SLC9A2: variants seen among roughly 807,000 people sequenced by gnomAD.
The protein encoded by SLC9A2 is solute carrier family 9 member A2.
Under a neutral mutation model 71.7 loss-of-function variants are expected in SLC9A2, and 42 were observed. That is an observed-to-expected ratio of 0.59 (90% CI 0.46 to 0.76). SLC9A2 has a LOEUF of 0.76. SLC9A2 is among the 30% of genes least tolerant of loss of function. The pLI, the probability that SLC9A2 is intolerant of heterozygous loss-of-function variation, is 0.00. For missense variants in SLC9A2, 829 were observed against 1,017.4 expected (o/e 0.81, Z 2.52); for synonymous variants, 396 against 392.5 (o/e 1.01, Z -0.10).
rs764415491 is a variant in SLC9A2, at chr2:102,665,114, G to T, written c.768G>T (p.Leu256Phe). 4 of 1,612,640 alleles carry T rather than the reference G, an allele frequency of 2.5e-6. No homozygotes were observed. Among genetic ancestry groups the T allele is most frequent in the East Asian group, 2.2e-5 (1 of 44,844 alleles). The stretch of plus-strand genomic sequence containing the variant: ...TTTTCCTGCAGGTCCTGTACAACTT[G>T]TTCAAGTCGTTTTGCCAGATGAAAA... ...NDAVTVVLYN[L>F]FKSFCQMKTI... Residue 256 changes from leucine to phenylalanine, a missense_variant, in exon 3 of 12, where the codon TTG becomes TTT. Physicochemically the swap from Leu to Phe is conservative, Grantham distance 22. Around this residue, in one of 3 missense-constraint regions of SLC9A2, gnomAD observed 500 missense variants for 726.3 expected, o/e 0.69. Coordinates refer to ENST00000233969, the MANE Select transcript of SLC9A2 (RefSeq NM_003048.6).
chr2:102,648,816 G>A (rs909429919), intron 1 of SLC9A2, among the ~76,000 whole-genome samples: 2 of 152,140 alleles, frequency 1.3e-5, no homozygotes, highest in African/African-American at 4.8e-5. Context: ...ACAGACCACT[G>A]CTCAAGGAAA....
At chr2:102,660,338 A>G (rs998318579) in intron 2 of SLC9A2, among the ~76,000 whole-genome samples, 71 of 152,338 alleles carry the variant, frequency 4.7e-4, no homozygotes, top group African/African-American at 1.3e-3. Context: ...CCTGTCAGTC[A>G]GAACCACTGT....
chr2:102,635,891 T>G (rs1480358972), intron 1 of SLC9A2, among the ~76,000 whole-genome samples: 2 of 150,094 alleles, frequency 1.3e-5, no homozygotes, highest in African/African-American at 4.9e-5. Flanking sequence ...ATTTTTTCTT[T>G]TTTTTTTTTT....
rs542442833 is a variant in SLC9A2 at position 102,680,301 on chromosome 2, A to T, written c.1005-2960A>T. 5.9e-5 allele frequency among the ~76,000 whole-genome samples: 9 copies of T among 152,252 alleles called. No individual in the cohort carries two copies. The East Asian group carries it at 1.5e-3, about 26-fold the overall frequency. On this transcript the variant is annotated intron_variant, in intron 3 of 11. Transcript: ENST00000233969. Reference sequence around the variant, plus strand: ...CTTAATCTAATCTATTGCCCTTGATACTTTGTATTGGAGAAATCTTACTTT... The same window carrying T: ...CTTAATCTAATCTATTGCCCTTGATTCTTTGTATTGGAGAAATCTTACTTT...
At chr2:102,642,848 G>A (rs1676636088) in intron 1 of SLC9A2, among the ~76,000 whole-genome samples, 1 of 152,110 alleles carries the variant, frequency 6.6e-6, no homozygotes. Context: ...TAGTTGTAGG[G>A]CTATTCAGTT....
rs546084160 is a variant in SLC9A2, at chr2:102,694,231, A to G, written c.1426-183A>G. On this transcript the variant is annotated intron_variant, in intron 5 of 11. Transcript: ENST00000233969. The stretch of plus-strand genomic sequence containing the variant: ...AAGAAAGAAAAATTAACAAAAAGTT[A>G]CATTTACTGTGTTAAATCTTGGTAG... Among the ~76,000 whole-genome samples the G allele has an allele frequency of 2.0e-5, 3 of 152,322 alleles. No individual in the cohort carries two copies. In the East Asian group the frequency reaches 5.8e-4, roughly 29 times the overall value.
rs779392210 is a variant in SLC9A2, at chr2:102,701,251, T to C, written c.1748+20T>C. On this transcript the variant is annotated intron_variant, in intron 8 of 11. Coordinates refer to ENST00000233969, the MANE Select transcript of SLC9A2 (RefSeq NM_003048.6). ...TCTAAAGTAAGTATGGTCTTGCAAATAAAAGTTAGTATTGTTAAATAGGCA... is the reference window on the plus strand; with the variant it reads ...TCTAAAGTAAGTATGGTCTTGCAAACAAAAGTTAGTATTGTTAAATAGGCA... 125 of 1,546,788 alleles carry C rather than the reference T, an allele frequency of 8.1e-5. No individual in the cohort carries two copies. The highest frequency in any genetic ancestry group is 1.0e-4 in the Non-Finnish European group (117 of 1,142,198).
At chr2:102,689,505 C>T (rs551436507) in intron 5 of SLC9A2, among the ~76,000 whole-genome samples, 1 of 130,226 alleles carries the variant, frequency 7.7e-6, no homozygotes, top group East Asian at 2.7e-4. Flanking sequence ...ATTTTATAGA[C>T]CTTGTGAAGA....
At chr2:102,700,582 A>G (rs1285366820) in intron 7 of SLC9A2, among the ~76,000 whole-genome samples, 2 of 152,240 alleles carry the variant, frequency 1.3e-5, no homozygotes, top group Non-Finnish European at 2.9e-5. Flanking sequence ...CACTTTGATA[A>G]GAGTAGCTTT....
intron 1 of SLC9A2, among the ~76,000 whole-genome samples, chr2:102,642,434 G>GTTTTT (rs66536273): frequency 6.6e-6 from 1 of 150,812 alleles, no homozygotes; most frequent in Non-Finnish European, 1.5e-5. Flanking sequence ...TAATCGTGTG[G>GTTTTT]TTTTTTTTTT....
At chr2:102,620,740 T>A (rs1486053691) in intron 1 of SLC9A2, among the ~76,000 whole-genome samples, 1 of 152,058 alleles carries the variant, frequency 6.6e-6, no homozygotes, top group Non-Finnish European at 1.5e-5. Context: ...GATGCATATT[T>A]AAAAATAATT....
intron 3 of SLC9A2, among the ~76,000 whole-genome samples, chr2:102,670,910 C>T (rs949280895): frequency 3.4e-5 from 4 of 118,908 alleles, no homozygotes; most frequent in Admixed American, 1.1e-4. Context: ...CACTTTGTAG[C>T]GTTTAGGAGA....
chr2:102,699,288 A>G (rs1047342845), intron 7 of SLC9A2, among the ~76,000 whole-genome samples: 6 of 152,164 alleles, frequency 3.9e-5, no homozygotes, highest in Non-Finnish European at 8.8e-5. Flanking sequence ...AGACTCAGAC[A>G]TGGGAGCACT....
chr2:102,707,105 A>G (rs1484965969), intron 11 of SLC9A2, among the ~76,000 whole-genome samples: 1 of 152,178 alleles, frequency 6.6e-6, no homozygotes, highest in African/African-American at 2.4e-5. Flanking sequence ...GAGGGGAGAT[A>G]GGGAGCTGGG....
intron 5 of SLC9A2, among the ~76,000 whole-genome samples, chr2:102,693,186 T>A (rs1677695995): frequency 6.6e-6 from 1 of 152,206 alleles, no homozygotes; most frequent in Non-Finnish European, 1.5e-5. Flanking sequence ...TGTTAGTTAC[T>A]GTACCAAATT....
chr2:102,674,054 G>A (rs539891580), intron 3 of SLC9A2, among the ~76,000 whole-genome samples: 22 of 152,248 alleles, frequency 1.4e-4, no homozygotes, highest in Non-Finnish European at 2.8e-4. Context: ...TTCCCAAAGT[G>A]CTGGGATTAC....
chr2:102,660,369 C>A (rs751551560), intron 2 of SLC9A2, among the ~76,000 whole-genome samples: 14 of 152,188 alleles, frequency 9.2e-5, no homozygotes, highest in Non-Finnish European at 1.6e-4. Flanking sequence ...TATCTAAGAG[C>A]CTCCCTTGGT....
chr2:102,667,445 T>C (rs773924727), intron 3 of SLC9A2, among the ~76,000 whole-genome samples: 1 of 152,166 alleles, frequency 6.6e-6, no homozygotes, highest in Non-Finnish European at 1.5e-5. Context: ...TTGCCAGATG[T>C]TCACAGGCAG....
intron 1 of SLC9A2, among the ~76,000 whole-genome samples, chr2:102,645,025 C>T (rs946791548): frequency 6.6e-5 from 10 of 152,156 alleles, no homozygotes; most frequent in African/African-American, 2.4e-4. Context: ...CAGCAGGGGT[C>T]GACAGACACC....
Sources: allele counts gnomAD v4.1 joint callset (sites outside exome capture counted in the v4.1 genomes callset), GRCh38; gene constraint gnomAD v4.1.1; regional missense constraint gnomAD v4.1.1; transcripts MANE v1.5; gene names NCBI Gene and HGNC (gene_info 2026-07-23, HGNC 2026-07-21).